MLIP: variants seen among roughly 807,000 people sequenced by gnomAD.
MLIP encodes muscular LMNA interacting protein.
MLIP carries 79 observed loss-of-function variants against 84.8 expected under a neutral mutation model. That is an observed-to-expected ratio of 0.93 (90% CI 0.78 to 1.12). MLIP has a LOEUF of 1.12. MLIP is among the 50% of genes most tolerant of loss of function. The probability of loss-of-function intolerance (pLI) is 0.00; values close to 1 mark genes in which losing one functional copy is unlikely to be tolerated. For missense variants in MLIP, 1,257 were observed against 1,160.6 expected (o/e 1.08, Z -1.21); for synonymous variants, 504 against 463.0 (o/e 1.09, Z -1.14).
intron 9 of MLIP, among the ~76,000 whole-genome samples, chr6:54,186,739 A>G (rs1022848961): frequency 2.6e-5 from 4 of 152,148 alleles, no homozygotes; most frequent in Non-Finnish European, 4.4e-5. Context: ...TCATGATCCA[A>G]TCACTTCCCA....
Position 54,169,592 on chromosome 6 carries a change from TAC to T in MLIP, c.2544+25_2544+26del. On this transcript the variant is annotated intron_variant, in intron 9 of 13. Transcript: ENST00000502396. ...AAATATGTAAGTACCTTTATAATTA[TAC>T]ACACTGCTTTTCAAATGGGTGCCTG... 6.4e-7 allele frequency: 1 copy of T among 1,555,368 alleles called. No homozygotes were observed. The highest frequency in any genetic ancestry group is 8.7e-7 in the Non-Finnish European group (1 of 1,144,154).
chr6:54,231,216 C>T (rs779540918), intron 12 of MLIP, among the ~76,000 whole-genome samples: 7 of 152,068 alleles, frequency 4.6e-5, no homozygotes, highest in Non-Finnish European at 1.0e-4. Flanking sequence ...TTCAAAACCT[C>T]ACAAAATGCC....
intron 1 of MLIP, among the ~76,000 whole-genome samples, chr6:54,089,253 C>G (rs1280471690): frequency 6.6e-6 from 1 of 151,954 alleles, no homozygotes; most frequent in Non-Finnish European, 1.5e-5. Flanking sequence ...TAGAAAAGCC[C>G]CTTTACAATA....
At position 54,056,586 on chromosome 6, in the gene MLIP, C is replaced by T. The variant is rs77501716; in HGVS notation, c.63+37495C>T. Reference sequence around the variant, plus strand: ...AGAGAATACTTTTATATTTTCGTGTCGTGTGTTTTTAGTTTTCTCTGTGAT... The same window carrying T: ...AGAGAATACTTTTATATTTTCGTGTTGTGTGTTTTTAGTTTTCTCTGTGAT... On this transcript the variant is annotated intron_variant, in intron 1 of 12. Coordinates refer to the MLIP transcript ENST00000274897. 7.6e-3 allele frequency among the ~76,000 whole-genome samples: 1,162 copies of T among 152,202 alleles called. 13 individuals carry two copies. The highest frequency in any genetic ancestry group is 0.027 in the Middle Eastern group (8 of 294).
In MLIP at chr6:54,087,396, A is replaced by G. The variant is rs566629864; in HGVS notation, c.64-34051A>G. Among the ~76,000 whole-genome samples, 6 of 152,324 alleles carry G rather than the reference A, an allele frequency of 3.9e-5. No individual in the cohort carries two copies. The East Asian group carries it at 7.7e-4, about 20-fold the overall frequency. Reference sequence around the variant, plus strand: ...TTAATGAGTCCATTCTGATGACTCAATGACTAAATTGAAGTGGGTGGTTTC... The same window carrying G: ...TTAATGAGTCCATTCTGATGACTCAGTGACTAAATTGAAGTGGGTGGTTTC... On this transcript the variant is annotated intron_variant, in intron 1 of 12. Transcript: ENST00000274897.
intron 13 of MLIP, among the ~76,000 whole-genome samples, chr6:54,265,438 C>CA (rs1783631331): frequency 6.6e-6 from 1 of 152,048 alleles, no homozygotes; most frequent in African/African-American, 2.4e-5. Flanking sequence ...TCAAGCAAAT[C>CA]AATATATGAA....
intron 1 of MLIP, among the ~76,000 whole-genome samples, chr6:54,055,307 A>T (rs1234964393): frequency 2.6e-5 from 4 of 152,222 alleles, no homozygotes; most frequent in Non-Finnish European, 4.4e-5. Flanking sequence ...GCATACAAAT[A>T]TGTGTATATA....
chr6:54,037,694 G>A lies in MLIP; in HGVS notation c.63+18603G>A, dbSNP rs546313282. Among the ~76,000 whole-genome samples, 4 of 151,988 alleles carry A rather than the reference G, an allele frequency of 2.6e-5. No homozygotes were observed. In the South Asian group the frequency reaches 8.3e-4, roughly 32 times the overall value. ...GAGAAAGCAAAGGTCAGCAGCCTAG[G>A]GTTACATTTTGACAGGAGAATGATT... On this transcript the variant is annotated intron_variant, in intron 1 of 12. Transcript: ENST00000274897.
intron 13 of MLIP, among the ~76,000 whole-genome samples, chr6:54,264,849 C>A (rs1335191838): frequency 6.6e-6 from 1 of 152,068 alleles, no homozygotes; most frequent in Non-Finnish European, 1.5e-5. Flanking sequence ...CAAACCAGAG[C>A]AGTCATGAGC....
chr6:54,214,282 G>A (rs1298865656), intron 11 of MLIP, among the ~76,000 whole-genome samples: 1 of 152,194 alleles, frequency 6.6e-6, no homozygotes, highest in African/African-American at 2.4e-5. Flanking sequence ...GCCATTTCTA[G>A]TCTATGATTT....
intron 10 of MLIP, among the ~76,000 whole-genome samples, chr6:54,196,424 G>A (rs1778300676): frequency 6.6e-6 from 1 of 152,110 alleles, no homozygotes; most frequent in Non-Finnish European, 1.5e-5. Flanking sequence ...CTTATAGTGA[G>A]AACATGCAGT....
intron 11 of MLIP, among the ~76,000 whole-genome samples, chr6:54,211,996 G>A (rs543058659): frequency 9.0e-4 from 137 of 152,264 alleles, no homozygotes; most frequent in Non-Finnish European, 1.5e-3. Context: ...AAAAAAGAAG[G>A]TAAAACTCTA....
At chr6:54,083,690 T>G in intron 1 of MLIP, 12 of 1,463,288 alleles carry the variant, frequency 8.2e-6, no homozygotes, top group Non-Finnish European at 1.1e-5. Context: ...CAATGATAGC[T>G]GTGTACTGTC....
chr6:54,203,925 T>C (rs1200239380), intron 11 of MLIP: 1 of 152,230 alleles, frequency 6.6e-6, no homozygotes, highest in Non-Finnish European at 1.5e-5. Context: ...GTGTTCAGAT[T>C]AGGTACCTTT....
chr6:54,145,484 T>G (rs1293306614), intron 4 of MLIP, among the ~76,000 whole-genome samples: 1 of 151,832 alleles, frequency 6.6e-6, no homozygotes, highest in Non-Finnish European at 1.5e-5. Flanking sequence ...TCAATAAATA[T>G]TTCTTGGCCA....
intron 1 of MLIP, among the ~76,000 whole-genome samples, chr6:54,024,094 C>T (rs1485007086): frequency 6.6e-6 from 1 of 152,184 alleles, no homozygotes; most frequent in African/African-American, 2.4e-5. Flanking sequence ...CTCACTGCAA[C>T]CTCCGCCTCC....
intron 1 of MLIP, among the ~76,000 whole-genome samples, chr6:54,032,769 G>A (rs1764214913): frequency 6.6e-6 from 1 of 152,098 alleles, no homozygotes; most frequent in African/African-American, 2.4e-5. Context: ...GGCTAGGCTG[G>A]TCTTCAACTC....
At chr6:54,029,710 A>T (rs1764018048) in intron 1 of MLIP, among the ~76,000 whole-genome samples, 2 of 152,160 alleles carry the variant, frequency 1.3e-5, no homozygotes, top group Admixed American at 1.3e-4. Context: ...CATGCCAGAA[A>T]TTTTGATCAT....
At chr6:54,164,913 C>T (rs1268294163) in intron 8 of MLIP, among the ~76,000 whole-genome samples, 1 of 151,670 alleles carries the variant, frequency 6.6e-6, no homozygotes, top group East Asian at 1.9e-4. Context: ...AATAAAGCTG[C>T]CAAGAACATT....
Sources: gnomAD v4.1 joint callset for allele counts (sites outside exome capture counted in the v4.1 genomes callset) on GRCh38, gnomAD v4.1.1 for gene constraint, MANE v1.5 for transcripts, NCBI Gene and HGNC (gene_info 2026-07-23, HGNC 2026-07-21) for gene names.